Variants in MPV17 observed in about 807,000 individuals in gnomAD.
MPV17 encodes mitochondrial inner membrane protein MPV17.
A neutral mutation model predicts 28.6 loss-of-function variants in MPV17; 31 were observed. The ratio of observed to expected loss-of-function variants is 1.08; its 90% CI spans 0.81 to 1.46. MPV17 has a LOEUF of 1.46. Ranked by LOEUF, MPV17 falls within the 40% of genes most tolerant of loss-of-function variation. MPV17 has a pLI of 0.00. For missense variants in MPV17, 198 were observed against 216.2 expected, an observed-to-expected ratio of 0.92 and a Z score of 0.53; for synonymous variants, 87 against 85.3, an observed-to-expected ratio of 1.02 and a Z score of -0.11.
In MPV17 at chr2:27,322,531, C is replaced by A. The variant is rs1679898587; in HGVS notation, c.-5-9G>T. 6.2e-7 allele frequency: 1 copy of A among 1,613,528 alleles called. No homozygotes were observed. The highest frequency in any genetic ancestry group is 8.5e-7 in the Non-Finnish European group (1 of 1,179,758). ...CCAGAGTGCCATGCTTCCTGTCAAG[C>A]CAAGAGGAGAGGGGGTCACCCCCAC... On this transcript the variant is annotated splice_polypyrimidine_tract_variant and intron_variant, in intron 1 of 7. Coordinates refer to ENST00000380044, the MANE Select transcript of MPV17 (RefSeq NM_002437.5).
intron 7 of MPV17, chr2:27,311,502 G>T (rs1289680714): frequency 1.7e-6 from 2 of 1,194,642 alleles, no homozygotes; most frequent in Non-Finnish European, 1.2e-6. Flanking sequence ...ATCTTTTTGG[G>T]TGCAGTTCAG....
rs769714942 is a variant in MPV17, at chr2:27,312,096, G to C, written c.408+118C>G. ...CTTCCCTATTTATGGTGCCCATCCT[G>C]GGAATGAAAGAGTAATCCCAACGGA... On this transcript the variant is annotated intron_variant, in intron 6 of 7. Coordinates refer to ENST00000380044, the MANE Select transcript of MPV17 (RefSeq NM_002437.5). The C allele has an allele frequency of 4.1e-6, 6 of 1,449,506 alleles. No individual in the cohort carries two copies. In the South Asian group the frequency reaches 6.9e-5, roughly 17 times the overall value. 89.8% of individuals were successfully genotyped at this position (1,449,506 alleles called of 1,614,324 possible).
At chr2:27,320,050 A>G (rs1317994622) in intron 2 of MPV17, among the ~76,000 whole-genome samples, 2 of 151,926 alleles carry the variant, frequency 1.3e-5, no homozygotes, top group Non-Finnish European at 2.9e-5. Flanking sequence ...AGCCTGGCCA[A>G]CATGGTGAAA....
At chr2:27,320,325 AGATTTTTTTTTTGTT>A (rs938820337) in intron 2 of MPV17, among the ~76,000 whole-genome samples, 2 of 151,480 alleles carry the variant, frequency 1.3e-5, no homozygotes, top group African/African-American at 4.8e-5. Context: ...ACTAAACTCA[AGATTTTTTTTTTGTT>A]GATTTTTTTT....
intron 2 of MPV17, chr2:27,313,399 G>A: frequency 3.2e-6 from 2 of 621,020 alleles, no homozygotes; most frequent in Non-Finnish European, 5.6e-6. Context: ...GAGAGAGGAA[G>A]GAGAATTTAA....
At chr2:27,322,112 A>G in intron 2 of MPV17, 1 of 374,336 alleles carries the variant, frequency 2.7e-6, no homozygotes. Context: ...GCCCTATGCC[A>G]TAACGTATAT....
chr2:27,309,987 G>A lies in MPV17; in HGVS notation c.462-6C>T, dbSNP rs372715106. ...CACATTGGACAACGGCCAACCTAAGGAACAGGAATAACACAATGAAGAGGA... is the reference window on the plus strand; with the variant it reads ...CACATTGGACAACGGCCAACCTAAGAAACAGGAATAACACAATGAAGAGGA... On this transcript the variant is annotated splice_polypyrimidine_tract_variant and splice_region_variant and intron_variant, in intron 7 of 7. Transcript: ENST00000380044. 9.3e-6 allele frequency: 15 copies of A among 1,612,030 alleles called. No individual in the cohort carries two copies. The highest frequency in any genetic ancestry group is 1.3e-5 in the Non-Finnish European group (15 of 1,178,226).
At chr2:27,313,290 T>C (rs973992090) in intron 2 of MPV17, 181 bp from the exon 3 acceptor site, 21 of 1,363,708 alleles carry the variant, frequency 1.5e-5, no homozygotes, top group Non-Finnish European at 2.0e-5. Flanking sequence ...CCAATGATGG[T>C]GACACCTCAT....
At chr2:27,318,462 A>G (rs1350293579) in intron 2 of MPV17, among the ~76,000 whole-genome samples, 1 of 151,738 alleles carries the variant, frequency 6.6e-6, no homozygotes, top group African/African-American at 2.4e-5. Flanking sequence ...GGTTCAAGCA[A>G]TTCTCCTGCC....
rs369774844 is a variant in MPV17 at position 27,311,854 on chromosome 2, G to A, written c.461+45C>T. Reference sequence around the variant, plus strand: ...AGAATCATTTTGTCTCCAACTGTTGGTAACGTGGGTCTTCCTTGATGGGTG... The same window carrying A: ...AGAATCATTTTGTCTCCAACTGTTGATAACGTGGGTCTTCCTTGATGGGTG... On this transcript the variant is annotated intron_variant, in intron 7 of 7. Transcript: ENST00000380044. 27 of 1,607,130 alleles carry A rather than the reference G, an allele frequency of 1.7e-5. No individual in the cohort carries two copies. In the African/African-American group the frequency reaches 3.3e-4, roughly 20 times the overall value.
At chr2:27,316,978 A>G in intron 2 of MPV17, 1 of 1,174,298 alleles carries the variant, frequency 8.5e-7, no homozygotes, top group Non-Finnish European at 1.2e-6. Context: ...ATTTGGGACC[A>G]CTTCCTGCCC....
At chr2:27,311,751 C>T in intron 7 of MPV17, 148 bp downstream of exon 7, 2 of 1,556,358 alleles carry the variant, frequency 1.3e-6, no homozygotes, top group Non-Finnish European at 8.7e-7. Flanking sequence ...TTCTGAATAA[C>T]ACGCTTGGGA....
chr2:27,312,990 T>G lies in MPV17; in HGVS notation c.186+4A>C. 1 of 1,614,134 alleles carries G rather than the reference T, an allele frequency of 6.2e-7. No homozygotes were observed. The highest frequency in any genetic ancestry group is 8.5e-7 in the Non-Finnish European group (1 of 1,180,006). ...ACTGAAGCCCTGTTGAGGGGAGAACTTACCACAAAGCCACAGCCCAGGGAC... is the reference window on the plus strand; with the variant it reads ...ACTGAAGCCCTGTTGAGGGGAGAACGTACCACAAAGCCACAGCCCAGGGAC... On this transcript the variant is annotated splice_donor_region_variant and intron_variant, in intron 3 of 7. Transcript: ENST00000380044.
intron 2 of MPV17, chr2:27,316,183 A>G (rs1418399183): frequency 6.4e-7 from 1 of 1,551,154 alleles, no homozygotes; most frequent in South Asian, 1.2e-5. Flanking sequence ...AGACAGCAAT[A>G]TTCCTGGGAA....
intron 2 of MPV17, 92 bp downstream of exon 2, chr2:27,322,356 G>T: frequency 9.2e-7 from 1 of 1,084,164 alleles, no homozygotes; most frequent in Non-Finnish European, 1.4e-6. Flanking sequence ...GAGCCGAATA[G>T]AAACAGGAAG....
At chr2:27,323,007 C>G (rs573773662) in intron 1 of MPV17, 45 bp downstream of exon 1, 2 of 169,188 alleles carry the variant, frequency 1.2e-5, no homozygotes, top group East Asian at 3.4e-4. Context: ...GCACTCATGG[C>G]TTGCGACGCT....
intron 2 of MPV17, chr2:27,315,862 T>C (rs1282280865): frequency 2.2e-6 from 3 of 1,361,670 alleles, no homozygotes. Context: ...GCACCCAGCC[T>C]ACACCCCCAT....
intron 7 of MPV17, chr2:27,311,163 T>C (rs1679426113): frequency 6.6e-6 from 1 of 152,470 alleles, no homozygotes; most frequent in African/African-American, 2.6e-5. Flanking sequence ...GCTCAAGTGA[T>C]CCTCCCACCT....
intron 2 of MPV17, among the ~76,000 whole-genome samples, chr2:27,318,730 TCATC>T (rs1228367428): frequency 2.6e-5 from 4 of 151,888 alleles, no homozygotes; most frequent in Non-Finnish European, 5.9e-5. Context: ...AAATAGCTAT[TCATC>T]CAGACAGTCC....
Sources: gnomAD v4.1 joint callset for allele counts (sites outside exome capture counted in the v4.1 genomes callset) on GRCh38, gnomAD v4.1.1 for gene constraint, MANE v1.5 for transcripts, NCBI Gene and HGNC (gene_info 2026-07-23, HGNC 2026-07-21) for gene names.